The following SEPTIN9 variants were observed in gnomAD, a reference collection of about 807,000 sequenced individuals.
SEPTIN9 encodes the protein septin 9.
Under a neutral mutation model 56.6 loss-of-function variants are expected in SEPTIN9, and 13 were observed. The observed-to-expected ratio is 0.23, with a 90% CI of 0.15 to 0.37. The LOEUF (loss-of-function observed/expected upper bound fraction) is 0.37, where lower values mean the gene tolerates loss of function less well. Ranked by LOEUF, SEPTIN9 falls within the 10% of genes least tolerant of loss-of-function variation. The pLI is 1.00. For synonymous variants in SEPTIN9, 332 were observed against 334.1 expected (o/e 0.99, Z 0.07); for missense variants, 650 against 823.1 (o/e 0.79, Z 2.57).
intron 3 of SEPTIN9, among the ~76,000 whole-genome samples, chr17:77,468,268 AAAAACAAAAC>A (rs369979662): frequency 8.5e-5 from 13 of 152,178 alleles, no homozygotes; most frequent in Admixed American, 3.3e-4. Flanking sequence ...CCATCTCAAA[AAAAACAAAAC>A]AAAACAAAAC....
chr17:77,341,697 C>G (rs1358762780), intron 2 of SEPTIN9, among the ~76,000 whole-genome samples: 3 of 148,976 alleles, frequency 2.0e-5, no homozygotes, highest in Admixed American at 6.8e-5. Flanking sequence ...GTCGCTTGAA[C>G]CTGGGAGGTG....
chr17:77,449,930 C>T lies in SEPTIN9; in HGVS notation c.722-32214C>T, dbSNP rs189084730. On this transcript the variant is annotated intron_variant, in intron 3 of 11. Transcript: ENST00000427177. The surrounding 1 kb of genome is among the most constrained non-coding windows in gnomAD (Gnocchi z 4.6). Reference sequence around the variant, plus strand: ...GTCAAATTCCACAGATATTGAGTGACAGGCCCAGGGCCTTGGATTTCAGTG... The same window carrying T: ...GTCAAATTCCACAGATATTGAGTGATAGGCCCAGGGCCTTGGATTTCAGTG... 2.2e-3 allele frequency among the ~76,000 whole-genome samples: 342 copies of T among 152,324 alleles called. 10 individuals are homozygous for T. The South Asian group carries it at 0.055, about 25-fold the overall frequency.
rs1359155839 is a variant in SEPTIN9 at position 77,319,517 on chromosome 17, C to T, written c.76+12320C>T. The T allele has an allele frequency of 3.8e-6, 4 of 1,043,410 alleles. No individual in the cohort carries two copies. The highest frequency in any genetic ancestry group is 4.6e-6 in the Non-Finnish European group (4 of 865,420). 64.6% of individuals were successfully genotyped at this position (1,043,410 alleles called of 1,614,324 possible). A position where few individuals can be genotyped will look rare whatever the true frequency, so the allele number is the denominator to read the frequency against. Reference sequence around the variant, plus strand: ...TCTGCCTGGGCGGGGACGGCAACTGCCTCTGTCACTGCAGACTAATGGGAC... The same window carrying T: ...TCTGCCTGGGCGGGGACGGCAACTGTCTCTGTCACTGCAGACTAATGGGAC... On this transcript the variant is annotated intron_variant, in intron 2 of 11. Transcript: ENST00000427177. This position sits in a 1 kb window ranked among gnomAD's most constrained non-coding sequence, Gnocchi z 5.3.
Position 77,317,740 on chromosome 17 carries a change from T to C in SEPTIN9, c.76+10543T>C, listed in dbSNP as rs1389562638. ...GTGGCTCACACCTGTAATCCCAGAG[T>C]GAAACTCTGTCTCAAAAAATAAAAA... On this transcript the variant is annotated intron_variant, in intron 2 of 11. Coordinates refer to ENST00000427177, the MANE Select transcript of SEPTIN9 (RefSeq NM_001113491.2). This position sits in a 1 kb window ranked among gnomAD's most constrained non-coding sequence, Gnocchi z 4.2. 1.3e-5 allele frequency among the ~76,000 whole-genome samples: 2 copies of C among 152,072 alleles called. No homozygotes were observed. Among genetic ancestry groups the C allele is most frequent in the African/African-American group, 2.4e-5 (1 of 41,456 alleles).
chr17:77,484,733 A>ATGG (rs1236149237), intron 4 of SEPTIN9, among the ~76,000 whole-genome samples: 3 of 26,814 alleles, frequency 1.1e-4, no homozygotes, highest in Admixed American at 8.8e-4. Flanking sequence ...GGTGATTGTG[A>ATGG]TGGTGGTGGT....
Position 77,498,678 on chromosome 17 carries a change from C to A in SEPTIN9, c.*20C>A, listed in dbSNP as rs373598188. The stretch of plus-strand genomic sequence containing the variant: ...ATGTAGACGCCACCCTGCCCACCCC[C>A]GGGATCCTGCCCCCAAGTCATTTCC... On this transcript the variant is annotated 3_prime_UTR_variant, in exon 12 of 12. Transcript: ENST00000427177. The A allele has an allele frequency of 3.1e-5, 47 of 1,511,288 alleles. No individual in the cohort carries two copies. Among genetic ancestry groups the A allele is most frequent in the East Asian group, 1.9e-4 (8 of 41,090 alleles). The allele number at this position is 1,511,288 out of a possible 1,614,324, so 93.6% of individuals were successfully genotyped here.
At position 77,367,620 on chromosome 17, in the gene SEPTIN9, AC is replaced by A. The variant is rs1009199567; in HGVS notation, c.77-34436del. Among the ~76,000 whole-genome samples, 28 of 152,096 alleles carry A rather than the reference AC, an allele frequency of 1.8e-4. No homozygotes were observed. Among genetic ancestry groups the A allele is most frequent in the Middle Eastern group, 6.8e-3 (2 of 294 alleles). ...CACTTGAGGCCAGGAGTTCGAGACT[AC>A]CCTGGCCAACACGGTGAAACCCCAT... On this transcript the variant is annotated intron_variant, in intron 2 of 11. Coordinates refer to ENST00000427177, the MANE Select transcript of SEPTIN9 (RefSeq NM_001113491.2). The surrounding 1 kb of genome is among the most constrained non-coding windows in gnomAD (Gnocchi z 4.5).
Position 77,495,188 on chromosome 17 carries a change from G to C in SEPTIN9, c.1573+2112G>C, listed in dbSNP as rs1454157279. ...ACTGTCAGGAAATGCACAAGAGAGAGGTCCCCGCACCTCTCTGACCTGTGC... is the reference window on the plus strand; with the variant it reads ...ACTGTCAGGAAATGCACAAGAGAGACGTCCCCGCACCTCTCTGACCTGTGC... On this transcript the variant is annotated intron_variant, in intron 10 of 11. Coordinates refer to ENST00000427177, the MANE Select transcript of SEPTIN9 (RefSeq NM_001113491.2). 5.3e-5 allele frequency among the ~76,000 whole-genome samples: 8 copies of C among 152,208 alleles called. 1 individual carries two copies. The East Asian group carries it at 1.5e-3, about 29-fold the overall frequency.
rs1422782970 is a variant in SEPTIN9 at position 77,367,709 on chromosome 17, G to A, written c.77-34350G>A. On this transcript the variant is annotated intron_variant, in intron 2 of 11. Coordinates refer to ENST00000427177, the MANE Select transcript of SEPTIN9 (RefSeq NM_001113491.2). This position sits in a 1 kb window ranked among gnomAD's most constrained non-coding sequence, Gnocchi z 4.5. ...CGGGTGCCTGTAATCCCAGCTACTC[G>A]GGAGGCTGAGGCAGGAGAATTGCTC... Among the ~76,000 whole-genome samples, 9 of 152,088 alleles carry A rather than the reference G, an allele frequency of 5.9e-5. No homozygotes were observed. The highest frequency in any genetic ancestry group is 4.6e-4 in the Admixed American group (7 of 15,264).
rs546373074 is a variant in SEPTIN9, at chr17:77,493,273, C to A, written c.1573+197C>A. 5.1e-4 allele frequency: 298 copies of A among 586,184 alleles called. 7 individuals are homozygous for A. The South Asian group carries it at 5.8e-3, about 11-fold the overall frequency. 36.3% of individuals were successfully genotyped at this position (586,184 alleles called of 1,614,324 possible). Reference sequence around the variant, plus strand: ...GGGCAAGTGGCCTGTGCAGATGCCTCCACCCCAGACCTCCCCCCGGGCAGG... The same window carrying A: ...GGGCAAGTGGCCTGTGCAGATGCCTACACCCCAGACCTCCCCCCGGGCAGG... On this transcript the variant is annotated intron_variant, in intron 10 of 11. Transcript: ENST00000427177.
At chr17:77,486,536 G>A (rs1034270434) in intron 4 of SEPTIN9, among the ~76,000 whole-genome samples, 2 of 131,216 alleles carry the variant, frequency 1.5e-5, no homozygotes, top group Non-Finnish European at 1.6e-5. Context: ...GCACGCGCGC[G>A]CGTGTTATAT....
Position 77,425,241 on chromosome 17 carries a change from C to G in SEPTIN9, c.721+22538C>G, listed in dbSNP as rs988474516. 6.6e-6 allele frequency among the ~76,000 whole-genome samples: 1 copy of G among 152,154 alleles called. No individual in the cohort carries two copies. Among genetic ancestry groups the G allele is most frequent in the African/African-American group, 2.4e-5 (1 of 41,438 alleles). Reference sequence around the variant, plus strand: ...GGGACTGAGAGTGCCGGAGGAGGGCCTCCCAGGAAAACCCAGCTGCACAGG... The same window carrying G: ...GGGACTGAGAGTGCCGGAGGAGGGCGTCCCAGGAAAACCCAGCTGCACAGG... On this transcript the variant is annotated intron_variant, in intron 3 of 11. Transcript: ENST00000427177. This position sits in a 1 kb window ranked among gnomAD's most constrained non-coding sequence, Gnocchi z 4.2.
chr17:77,396,316 C>T (rs1298626360), intron 2 of SEPTIN9, among the ~76,000 whole-genome samples: 10 of 152,200 alleles, frequency 6.6e-5, no homozygotes, highest in Admixed American at 2.6e-4. Flanking sequence ...GGAAGCTGTC[C>T]GGTGCTCCTC....
At chr17:77,444,952 T>C (rs1201828440) in intron 3 of SEPTIN9, 5 of 365,880 alleles carry the variant, frequency 1.4e-5, no homozygotes, top group Non-Finnish European at 2.3e-5. Flanking sequence ...GTTTTTGAGA[T>C]TGGGGCATCC....
At chr17:77,284,867 A>T (rs759898957) in intron 1 of SEPTIN9, among the ~76,000 whole-genome samples, 4 of 152,112 alleles carry the variant, frequency 2.6e-5, no homozygotes, top group Non-Finnish European at 2.9e-5. Context: ...TGACCTCGTG[A>T]TCTGCCTGCC....
In SEPTIN9 at chr17:77,453,892, C is replaced by G. The variant is rs1253374548; in HGVS notation, c.722-28252C>G. 4.8e-6 allele frequency: 1 copy of G among 210,176 alleles called. No homozygotes were observed. Among genetic ancestry groups the G allele is most frequent in the Non-Finnish European group, 8.3e-6 (1 of 121,026 alleles). 13.0% of individuals were successfully genotyped at this position (210,176 alleles called of 1,614,324 possible). A position where few individuals can be genotyped will look rare whatever the true frequency, so the allele number is the denominator to read the frequency against. ...GAGCCCCTTCTCCCTGCCCCCAGGC[C>G]TGGTGCAGTGTGTGGCTTCCCTGCC... On this transcript the variant is annotated intron_variant, in intron 3 of 11. Coordinates refer to ENST00000427177, the MANE Select transcript of SEPTIN9 (RefSeq NM_001113491.2). The surrounding 1 kb of genome is among the most constrained non-coding windows in gnomAD (Gnocchi z 4.4).
At chr17:77,484,941 GA>G (rs1489100746) in intron 4 of SEPTIN9, among the ~76,000 whole-genome samples, 6 of 86,202 alleles carry the variant, frequency 7.0e-5, no homozygotes, top group Non-Finnish European at 1.4e-4. Flanking sequence ...GTGGTGATGG[GA>G]GTGATGCTGG....
At chr17:77,351,626 G>A (rs1349852792) in intron 2 of SEPTIN9, among the ~76,000 whole-genome samples, 3 of 152,258 alleles carry the variant, frequency 2.0e-5, no homozygotes, top group Non-Finnish European at 4.4e-5. Flanking sequence ...TGGAGGCCCT[G>A]CCCCTGAGAC....
intron 2 of SEPTIN9, among the ~76,000 whole-genome samples, chr17:77,366,825 G>GGGAACC (rs2034586064): frequency 6.6e-6 from 1 of 152,210 alleles, no homozygotes; most frequent in South Asian, 2.1e-4. Flanking sequence ...GGTGGGGGTG[G>GGGAACC]GGAACCGGGG....
Sources: allele counts gnomAD v4.1 joint callset (sites outside exome capture counted in the v4.1 genomes callset), GRCh38; gene constraint gnomAD v4.1.1; non-coding constraint Gnocchi (gnomAD v3.1); transcripts MANE v1.5; gene names NCBI Gene and HGNC (gene_info 2026-07-23, HGNC 2026-07-21).